Variants in CALN1 observed in about 807,000 individuals in gnomAD.
CALN1 encodes calneuron 1.
In CALN1, 17 loss-of-function variants were observed where a neutral mutation model predicts 30.6. The ratio of observed to expected loss-of-function variants is 0.56; its 90% CI spans 0.38 to 0.83. The LOEUF (loss-of-function observed/expected upper bound fraction) is 0.83, where lower values mean the gene tolerates loss of function less well. Ranked by LOEUF, CALN1 falls within the 40% of genes least tolerant of loss-of-function variation. The pLI is 0.00. For missense variants in CALN1, 291 were observed against 354.9 expected (o/e 0.82, Z 1.45); for synonymous variants, 156 against 131.4 (o/e 1.19, Z -1.28).
At chr7:72,235,968 G>A (rs1794450785) in intron 3 of CALN1, among the ~76,000 whole-genome samples, 1 of 151,602 alleles carries the variant, frequency 6.6e-6, no homozygotes, top group African/African-American at 2.4e-5. Flanking sequence ...TCTGGGCCAG[G>A]CACAGTGGCT....
At chr7:72,064,226 G>C (rs1803863485) in intron 4 of CALN1, among the ~76,000 whole-genome samples, 1 of 151,170 alleles carries the variant, frequency 6.6e-6, no homozygotes, top group African/African-American at 2.4e-5. Context: ...AGGTTGCAGT[G>C]AGCTGAGATC....
chr7:72,302,513 G>A (rs1328589044), intron 2 of CALN1, among the ~76,000 whole-genome samples: 8 of 152,132 alleles, frequency 5.3e-5, no homozygotes, highest in East Asian at 1.9e-4. Context: ...TTGGCTGGGC[G>A]TGGTGGCTCA....
the CALN1 span, among the ~76,000 whole-genome samples, chr7:72,475,943 T>C: frequency 1.2e-3 from 72 of 60,138 alleles, no homozygotes; most frequent in African/African-American, 7.1e-3. Context: ...CTCTCTCTCT[T>C]TTTTTTTTTT....
At chr7:71,818,946 G>A (rs992719254) in intron 5 of CALN1, among the ~76,000 whole-genome samples, 1 of 151,930 alleles carries the variant, frequency 6.6e-6, no homozygotes, top group Non-Finnish European at 1.5e-5. Flanking sequence ...CTGACCTCGT[G>A]ATCTGCCCGC....
intron 4 of CALN1, among the ~76,000 whole-genome samples, chr7:72,072,312 CAG>C (rs1804453681): frequency 1.3e-5 from 2 of 152,096 alleles, no homozygotes; most frequent in African/African-American, 4.8e-5. Flanking sequence ...TGAGTATGAG[CAG>C]ATTTCTCACC....
chr7:71,862,017 T>C (rs901644300), intron 5 of CALN1, among the ~76,000 whole-genome samples: 17 of 152,180 alleles, frequency 1.1e-4, no homozygotes, highest in African/African-American at 3.6e-4. Flanking sequence ...CTGTGCTTGC[T>C]TCCTCAAAGG....
intron 5 of CALN1, among the ~76,000 whole-genome samples, chr7:72,010,851 A>G (rs777651215): frequency 2.4e-4 from 36 of 150,336 alleles, no homozygotes; most frequent in Middle Eastern, 3.7e-3. Context: ...AAAAGAAAAG[A>G]AAAGGAAAGG....
chr7:72,345,459 CAAAA>C (rs1003468190), intron 2 of CALN1, among the ~76,000 whole-genome samples: 1 of 124,090 alleles, frequency 8.1e-6, no homozygotes, highest in African/African-American at 3.1e-5. Flanking sequence ...GACAAAAAGA[CAAAA>C]GAAAGAGAGG....
chr7:72,396,490 G>T (rs1805966526), intron 2 of CALN1, among the ~76,000 whole-genome samples: 3 of 151,696 alleles, frequency 2.0e-5, no homozygotes, highest in African/African-American at 7.3e-5. Context: ...CTTGGGGGAA[G>T]AAAGAAGACA....
At chr7:72,459,678 C>T in the CALN1 span, among the ~76,000 whole-genome samples, 2 of 150,918 alleles carry the variant, frequency 1.3e-5, no homozygotes, top group African/African-American at 4.9e-5. Context: ...AAATAAAATG[C>T]CTCAGATGCA....
chr7:71,785,239 G>A lies in CALN1; in HGVS notation c.*2536C>T. 5.5e-6 allele frequency: 1 copy of A among 182,136 alleles called. No homozygotes were observed. Among genetic ancestry groups the A allele is most frequent in the Non-Finnish European group, 1.1e-5 (1 of 87,972 alleles). 11.3% of individuals were successfully genotyped at this position (182,136 alleles called of 1,614,324 possible). On this transcript the variant is annotated 3_prime_UTR_variant, in exon 7 of 7. Transcript: ENST00000395275. ...CTAGATTTTCCCCTGGGGAGGGTGG[G>A]CTTGCTTCCAGGTCACTGGGAGCAA...
chr7:72,435,474 G>A (rs904846785), intron 1 of CALN1, among the ~76,000 whole-genome samples: 2 of 152,296 alleles, frequency 1.3e-5, no homozygotes, highest in East Asian at 1.9e-4. Context: ...ATTCATCCAC[G>A]CCTCCCTCGG....
chr7:71,855,336 G>A lies in CALN1; in HGVS notation c.502-44844C>T, dbSNP rs6947189. 7.1e-3 allele frequency among the ~76,000 whole-genome samples: 1,076 copies of A among 152,224 alleles called. 8 individuals carry two copies. Among genetic ancestry groups the A allele is most frequent in the African/African-American group, 0.024 (1,010 of 41,548 alleles). ...CTTTCCAGGGGATGCTCTGGCTGAC[G>A]CTGGACAATGACTGCTTTAGTGGAA... On this transcript the variant is annotated intron_variant, in intron 5 of 6. Transcript: ENST00000395275.
At chr7:72,349,698 G>C (rs1474042728) in intron 2 of CALN1, among the ~76,000 whole-genome samples, 1 of 152,152 alleles carries the variant, frequency 6.6e-6, no homozygotes, top group African/African-American at 2.4e-5. Flanking sequence ...TAGTGATGCT[G>C]AGCTTATTTT....
At chr7:72,321,787 A>G (rs1313389290) in intron 2 of CALN1, among the ~76,000 whole-genome samples, 3 of 152,094 alleles carry the variant, frequency 2.0e-5, no homozygotes, top group African/African-American at 7.2e-5. Context: ...ATTCTCCCTT[A>G]CCAAGAACAG....
chr7:72,284,760 C>T (rs1002465398), intron 2 of CALN1, among the ~76,000 whole-genome samples: 2 of 152,028 alleles, frequency 1.3e-5, no homozygotes, highest in African/African-American at 4.8e-5. Flanking sequence ...TTTTCAGAGT[C>T]TGTAACTGCA....
chr7:72,438,460 C>T lies in CALN1; in HGVS notation c.-226+8582G>A, dbSNP rs182718271. Among the ~76,000 whole-genome samples the T allele has an allele frequency of 1.0e-3, 153 of 152,258 alleles. 1 individual carries two copies. The highest frequency in any genetic ancestry group is 1.1e-3 in the Non-Finnish European group (76 of 68,026). On this transcript the variant is annotated intron_variant, in intron 1 of 6. Coordinates refer to the CALN1 transcript ENST00000395276. Reference sequence around the variant, plus strand: ...TTGACTCCCTATTTCTCCAAAAACACGATTAAGTCTCCCTCATTCTATCGA... The same window carrying T: ...TTGACTCCCTATTTCTCCAAAAACATGATTAAGTCTCCCTCATTCTATCGA...
chr7:71,853,165 T>C (rs1790748804), intron 5 of CALN1, among the ~76,000 whole-genome samples: 1 of 151,868 alleles, frequency 6.6e-6, no homozygotes, highest in Admixed American at 6.6e-5. Context: ...CAGCTTCTAA[T>C]TTCTGGGCTC....
intron 3 of CALN1, among the ~76,000 whole-genome samples, chr7:72,125,139 G>C (rs1030335240): frequency 1.3e-5 from 2 of 152,018 alleles, no homozygotes; most frequent in African/African-American, 4.8e-5. Flanking sequence ...AGCGATTCCT[G>C]TGCCTCAGCG....
Sources: gnomAD v4.1 joint callset for allele counts (sites outside exome capture counted in the v4.1 genomes callset) on GRCh38, gnomAD v4.1.1 for gene constraint, MANE v1.5 for transcripts, NCBI Gene and HGNC (gene_info 2026-07-23, HGNC 2026-07-21) for gene names.